Variants in CTNNA3 observed in about 807,000 individuals in gnomAD.
The protein encoded by CTNNA3 is catenin alpha-3.
CTNNA3 carries 76 observed loss-of-function variants against 95.7 expected under a neutral mutation model. The observed-to-expected ratio is 0.79, with a 90% CI of 0.66 to 0.96. The LOEUF (loss-of-function observed/expected upper bound fraction) is 0.96, where lower values mean the gene tolerates loss of function less well. CTNNA3 is among the 40% of genes least tolerant of loss of function. The probability of loss-of-function intolerance (pLI) is 0.00; values close to 1 mark genes in which losing one functional copy is unlikely to be tolerated. For synonymous variants in CTNNA3, 431 were observed against 374.4 expected, an observed-to-expected ratio of 1.15 and a Z score of -1.74; for missense variants, 1,191 against 1,089.8, an observed-to-expected ratio of 1.09 and a Z score of -1.31.
intron 7 of CTNNA3, among the ~76,000 whole-genome samples, chr10:67,144,092 T>G (rs953959509): frequency 6.6e-6 from 1 of 152,244 alleles, no homozygotes; most frequent in Non-Finnish European, 1.5e-5. Context: ...TCCATTTATT[T>G]CTTTGTGCAT....
At chr10:66,164,574 C>A (rs969039300) in intron 13 of CTNNA3, among the ~76,000 whole-genome samples, 2 of 151,538 alleles carry the variant, frequency 1.3e-5, no homozygotes, top group African/African-American at 4.9e-5. Flanking sequence ...CAATAAGAGC[C>A]AAATTAACAA....
intron 17 of CTNNA3, among the ~76,000 whole-genome samples, chr10:65,939,061 C>T (rs189874746): frequency 8.9e-4 from 135 of 152,042 alleles, no homozygotes; most frequent in Admixed American, 7.1e-3. Context: ...CGCTACCATG[C>T]CTGGCTAATT....
At chr10:67,693,052 A>G (rs996244527) in intron 1 of CTNNA3, among the ~76,000 whole-genome samples, 1 of 152,174 alleles carries the variant, frequency 6.6e-6, no homozygotes, top group African/African-American at 2.4e-5. Context: ...TGCCAAATAA[A>G]CTTGACCTAA....
chr10:67,696,722 A>G (rs565398608), upstream of CTNNA3, among the ~76,000 whole-genome samples: 2 of 152,126 alleles, frequency 1.3e-5, no homozygotes, highest in South Asian at 4.1e-4. Flanking sequence ...CCAAAAAAAA[A>G]AGTCTTCTCC....
chr10:66,372,389 A>C (rs2092760866), intron 12 of CTNNA3, among the ~76,000 whole-genome samples: 1 of 152,144 alleles, frequency 6.6e-6, no homozygotes, highest in South Asian at 2.1e-4. Context: ...GAGAAGATCC[A>C]TATGAGGCTA....
intron 13 of CTNNA3, among the ~76,000 whole-genome samples, chr10:66,156,279 C>T (rs1401202514): frequency 6.6e-6 from 1 of 151,846 alleles, no homozygotes; most frequent in Non-Finnish European, 1.5e-5. Context: ...CAGGAGGGAT[C>T]CTTGTGATGA....
chr10:67,462,139 T>C (rs1405924981), intron 5 of CTNNA3, among the ~76,000 whole-genome samples: 1 of 152,190 alleles, frequency 6.6e-6, no homozygotes, highest in Non-Finnish European at 1.5e-5. Flanking sequence ...TGGCTTCCAC[T>C]GCCCCAGCCA....
At chr10:66,348,120 C>G (rs2092538690) in intron 12 of CTNNA3, among the ~76,000 whole-genome samples, 1 of 152,064 alleles carries the variant, frequency 6.6e-6, no homozygotes, top group African/African-American at 2.4e-5. Context: ...GCATCAGATT[C>G]AGAAAGGAAT....
intron 9 of CTNNA3, among the ~76,000 whole-genome samples, chr10:66,751,875 T>C (rs958791166): frequency 6.6e-6 from 1 of 152,132 alleles, no homozygotes; most frequent in Non-Finnish European, 1.5e-5. Flanking sequence ...AGTATAAAAA[T>C]AGGTGGCAAA....
At chr10:67,543,366 CA>C (rs910058625) in intron 3 of CTNNA3, among the ~76,000 whole-genome samples, 9 of 151,802 alleles carry the variant, frequency 5.9e-5, no homozygotes, top group Non-Finnish European at 5.9e-5. Context: ...TCCAGAAGTA[CA>C]AAAAAATTGT....
chr10:67,018,801 T>G (rs750152464), intron 7 of CTNNA3, among the ~76,000 whole-genome samples: 54 of 152,212 alleles, frequency 3.5e-4, no homozygotes, highest in Non-Finnish European at 6.9e-4. Flanking sequence ...TCATGGAAGG[T>G]GTTAAGTGTT....
At chr10:67,451,629 C>T (rs1425874850) in intron 5 of CTNNA3, among the ~76,000 whole-genome samples, 2 of 152,174 alleles carry the variant, frequency 1.3e-5, no homozygotes, top group African/African-American at 4.8e-5. Flanking sequence ...CCACTGAACT[C>T]TTGGTTTGAT....
intron 12 of CTNNA3, among the ~76,000 whole-genome samples, chr10:66,362,687 T>C (rs2092685076): frequency 6.6e-6 from 1 of 151,628 alleles, no homozygotes; most frequent in African/African-American, 2.4e-5. Context: ...CACTCCACCC[T>C]GGGCAACAGA....
At chr10:67,432,120 C>A (rs892986939) in intron 5 of CTNNA3, among the ~76,000 whole-genome samples, 4 of 151,892 alleles carry the variant, frequency 2.6e-5, no homozygotes, top group Admixed American at 6.6e-5. Flanking sequence ...AAATTTATAT[C>A]GCTAAATGCC....
intron 13 of CTNNA3, among the ~76,000 whole-genome samples, chr10:66,208,677 A>G (rs941872675): frequency 5.3e-5 from 8 of 152,188 alleles, no homozygotes; most frequent in African/African-American, 1.9e-4. Context: ...TACATTTTGA[A>G]AAGTGACATT....
At chr10:67,097,589 A>G in intron 7 of CTNNA3, 1 of 1,611,820 alleles carries the variant, frequency 6.2e-7, no homozygotes, top group Non-Finnish European at 8.5e-7. Flanking sequence ...TTCCCCAGAT[A>G]CCTTTATCAA....
chr10:66,691,620 C>A (rs932812059), intron 9 of CTNNA3, among the ~76,000 whole-genome samples: 58 of 152,280 alleles, frequency 3.8e-4, no homozygotes, highest in African/African-American at 1.4e-3. Context: ...GTTATCCCAG[C>A]ACGCAGCTGG....
intron 6 of CTNNA3, among the ~76,000 whole-genome samples, chr10:67,194,529 C>T (rs1863260847): frequency 6.6e-6 from 1 of 150,940 alleles, no homozygotes. Context: ...ACTATGGAGA[C>T]AGTAAGAAGT....
chr10:66,291,491 C>G (rs1198233381), intron 12 of CTNNA3, among the ~76,000 whole-genome samples: 1 of 152,028 alleles, frequency 6.6e-6, no homozygotes, highest in Non-Finnish European at 1.5e-5. Flanking sequence ...GTTGGCTCCC[C>G]GAATACTCAC....
Sources: allele counts gnomAD v4.1 joint callset (sites outside exome capture counted in the v4.1 genomes callset), GRCh38; gene constraint gnomAD v4.1.1; transcripts MANE v1.5; gene names NCBI Gene and HGNC (gene_info 2026-07-23, HGNC 2026-07-21).